GRIK2: variants seen among roughly 807,000 people sequenced by gnomAD.
GRIK2 encodes the protein glutamate receptor ionotropic, kainate 2.
Under a neutral mutation model 100.3 loss-of-function variants are expected in GRIK2, and 32 were observed. The ratio of observed to expected loss-of-function variants is 0.32; its 90% CI spans 0.24 to 0.43. The LOEUF is 0.43. GRIK2 is among the 20% of genes least tolerant of loss of function. The pLI is 1.00. For synonymous variants in GRIK2, 417 were observed against 389.4 expected (o/e 1.07, Z -0.83); for missense variants, 843 against 1,114.9 (o/e 0.76, Z 3.47).
chr6:101,753,016 T>A (rs1290812219), intron 7 of GRIK2, among the ~76,000 whole-genome samples: 1 of 152,068 alleles, frequency 6.6e-6, no homozygotes, highest in Admixed American at 6.6e-5. Flanking sequence ...TAAGACGGGC[T>A]GGGCGCGGTG....
intron 14 of GRIK2, among the ~76,000 whole-genome samples, chr6:102,024,420 T>C (rs146032822): frequency 2.0e-5 from 3 of 151,394 alleles, no homozygotes; most frequent in African/African-American, 7.2e-5. Flanking sequence ...TCAGGGCAAG[T>C]CTCCCTTTTC....
chr6:101,532,463 T>C (rs1002033329), intron 2 of GRIK2, among the ~76,000 whole-genome samples: 1 of 151,856 alleles, frequency 6.6e-6, no homozygotes, highest in African/African-American at 2.4e-5. Flanking sequence ...TTTTTAGTCC[T>C]GCACCAGGTG....
intron 7 of GRIK2, among the ~76,000 whole-genome samples, chr6:101,795,875 G>A (rs1780269521): frequency 6.6e-6 from 1 of 152,192 alleles, no homozygotes; most frequent in Non-Finnish European, 1.5e-5. Flanking sequence ...CATGCCCCAG[G>A]TATAACAATG....
chr6:101,568,773 T>C (rs1777400337), intron 2 of GRIK2, among the ~76,000 whole-genome samples: 2 of 152,130 alleles, frequency 1.3e-5, no homozygotes, highest in Admixed American at 1.3e-4. Flanking sequence ...GATTTTTTGG[T>C]TATTTAAAAA....
chr6:101,928,598 C>T lies in GRIK2; in HGVS notation c.2051C>T (p.Ala684Val). The T allele has an allele frequency of 1.3e-6, 2 of 1,598,316 alleles. No individual in the cohort carries two copies. Among genetic ancestry groups the T allele is most frequent in the Non-Finnish European group, 1.7e-6 (2 of 1,165,702 alleles). Reference sequence around the variant, plus strand: ...AAACAAACCAAGATAGAATATGGAGCAGTAGAGGATGGTGCAACCATGACT... The same window carrying T: ...AAACAAACCAAGATAGAATATGGAGTAGTAGAGGATGGTGCAACCATGACT... ...LAKQTKIEYG[A>V]VEDGATMTFF... Residue 684 changes from alanine (A) to valine (V), a missense_variant, in exon 14 of 17, where the codon GCA becomes GTA. Transcript: ENST00000369134.
chr6:101,905,553 C>T (rs1211317054), intron 12 of GRIK2, among the ~76,000 whole-genome samples: 1 of 151,484 alleles, frequency 6.6e-6, no homozygotes, highest in Non-Finnish European at 1.5e-5. Context: ...GTATCCAAAA[C>T]ATTAAACTGA....
intron 14 of GRIK2, among the ~76,000 whole-genome samples, chr6:101,991,618 CT>C (rs148276390): frequency 0.01 from 1,560 of 151,328 alleles, 8 homozygotes; most frequent in Non-Finnish European, 0.018. Flanking sequence ...CAATTGCCCC[CT>C]AATTATCTGT....
At chr6:101,405,510 T>C (rs1775547427) in intron 2 of GRIK2, among the ~76,000 whole-genome samples, 1 of 152,204 alleles carries the variant, frequency 6.6e-6, no homozygotes, top group Admixed American at 6.5e-5. Flanking sequence ...TTTTTTCATA[T>C]AAAGAAAGCT....
intron 10 of GRIK2, among the ~76,000 whole-genome samples, chr6:101,838,053 GA>G (rs1358981653): frequency 1.3e-5 from 2 of 152,136 alleles, no homozygotes; most frequent in Non-Finnish European, 2.9e-5. Context: ...ACACTTGGAA[GA>G]AAAGAACATC....
intron 10 of GRIK2, among the ~76,000 whole-genome samples, chr6:101,839,143 A>G (rs946570994): frequency 2.0e-5 from 3 of 152,128 alleles, no homozygotes; most frequent in Non-Finnish European, 2.9e-5. Flanking sequence ...TTGTGCCTAC[A>G]AACTTTTAGC....
intron 4 of GRIK2, among the ~76,000 whole-genome samples, chr6:101,657,457 T>G (rs143587090): frequency 6.6e-6 from 1 of 152,270 alleles, no homozygotes; most frequent in Non-Finnish European, 1.5e-5. Context: ...GGTGGTATCT[T>G]TATAGCAGTG....
At position 101,393,744 on chromosome 6, in the gene GRIK2, T is replaced by G. The variant is rs117034496; in HGVS notation, c.-387T>G. Among the ~76,000 whole-genome samples, 5,042 of 152,134 alleles carry G rather than the reference T, an allele frequency of 0.033. 140 individuals carry two copies. The highest frequency in any genetic ancestry group is 0.15 in the East Asian group (749 of 5,082). On this transcript the variant is annotated 5_prime_UTR_variant, in exon 1 of 17. Transcript: ENST00000369134. Reference sequence around the variant, plus strand: ...GCGCCGGCGGCTGCGCTGGTCGGTCTGGTAGCTGGGGACTTTTCCGCCCGA... The same window carrying G: ...GCGCCGGCGGCTGCGCTGGTCGGTCGGGTAGCTGGGGACTTTTCCGCCCGA...
chr6:101,483,265 C>G (rs185592970), intron 2 of GRIK2, among the ~76,000 whole-genome samples: 89 of 152,244 alleles, frequency 5.8e-4, no homozygotes, highest in African/African-American at 2.0e-3. Context: ...AGAATTTTCA[C>G]TGTGACAGAG....
intron 2 of GRIK2, among the ~76,000 whole-genome samples, chr6:101,579,800 G>A (rs558500989): frequency 4.0e-4 from 60 of 149,118 alleles, no homozygotes; most frequent in African/African-American, 1.4e-3. Context: ...GCAGTGAGCC[G>A]AGATCATGCC....
chr6:101,918,391 T>G (rs917029285), intron 12 of GRIK2, among the ~76,000 whole-genome samples: 1 of 151,790 alleles, frequency 6.6e-6, no homozygotes, highest in Non-Finnish European at 1.5e-5. Flanking sequence ...GCCTGTGATA[T>G]GACAAAGTGT....
At chr6:101,397,502 A>G (rs1282948025) in intron 1 of GRIK2, among the ~76,000 whole-genome samples, 2 of 152,218 alleles carry the variant, frequency 1.3e-5, no homozygotes, top group African/African-American at 4.8e-5. Flanking sequence ...CTAGCCATTC[A>G]TGATACTTAT....
chr6:101,889,658 G>A lies in GRIK2; in HGVS notation c.1543G>A (p.Ala515Thr). Residue 515 changes from alanine to threonine, a missense_variant, in exon 12 of 17, where the codon GCT (alanine) becomes ACT (threonine). By Grantham distance (58) the Ala-to-Thr change is moderately conservative. Around this residue, in one of 3 missense-constraint regions of GRIK2, gnomAD observed 519 missense variants for 643.8 expected, o/e 0.81. Transcript: ENST00000369134. ...TCTACAGAAAGCTGACCTTGCAGTTGCTCCACTGGCTATTACCTATGTTCG... is the reference window on the plus strand; with the variant it reads ...TCTACAGAAAGCTGACCTTGCAGTTACTCCACTGGCTATTACCTATGTTCG... ...LIDHKADLAV[A>T]PLAITYVREK... is the part of the protein sequence containing the mutation. 2.0e-6 allele frequency: 3 copies of A among 1,495,552 alleles called. No individual in the cohort carries two copies. The highest frequency in any genetic ancestry group is 2.7e-6 in the Non-Finnish European group (3 of 1,102,778). 92.6% of individuals were successfully genotyped at this position (1,495,552 alleles called of 1,614,324 possible).
chr6:101,627,834 A>G, intron 4 of GRIK2, among the ~76,000 whole-genome samples: 1 of 152,138 alleles, frequency 6.6e-6, no homozygotes, highest in East Asian at 1.9e-4. Flanking sequence ...GCATTTTATT[A>G]TTTTTGCATA....
chr6:101,675,241 TATGTATAC>T (rs1770736558), intron 4 of GRIK2, among the ~76,000 whole-genome samples: 1 of 151,934 alleles, frequency 6.6e-6, no homozygotes, highest in Non-Finnish European at 1.5e-5. Context: ...AAGTAACAGG[TATGTATAC>T]ATACATACAG....
Sources: allele counts gnomAD v4.1 joint callset (sites outside exome capture counted in the v4.1 genomes callset), GRCh38; gene constraint gnomAD v4.1.1; regional missense constraint gnomAD v4.1.1; transcripts MANE v1.5; gene names NCBI Gene and HGNC (gene_info 2026-07-23, HGNC 2026-07-21).